Variants in ULK4 observed in about 807,000 individuals in gnomAD.
ULK4 encodes the protein unc-51 like kinase 4.
ULK4 carries 133 observed loss-of-function variants against 160.6 expected under a neutral mutation model. The ratio of observed to expected loss-of-function variants is 0.83; its 90% CI spans 0.72 to 0.96. ULK4 has a LOEUF of 0.96. Ranked by LOEUF, ULK4 falls within the 40% of genes least tolerant of loss-of-function variation. The pLI, the probability that ULK4 is intolerant of heterozygous loss-of-function variation, is 0.00. For missense variants in ULK4, 1,580 were observed against 1,499.5 expected, an observed-to-expected ratio of 1.05 and a Z score of -0.89; for synonymous variants, 534 against 539.8, an observed-to-expected ratio of 0.99 and a Z score of 0.15.
chr3:41,754,629 G>A, intron 21 of ULK4, 141 bp from the exon 22 acceptor site: 1 of 668,310 alleles, frequency 1.5e-6, no homozygotes. Flanking sequence ...CTCAATTTGT[G>A]CCAGATCCCA....
chr3:41,453,415 G>A (rs1050379399), intron 34 of ULK4, among the ~76,000 whole-genome samples: 3 of 151,850 alleles, frequency 2.0e-5, no homozygotes, highest in Admixed American at 6.6e-5. Flanking sequence ...GGACCCAATC[G>A]ATTCTCCCAT....
At chr3:41,606,885 A>G (rs907687764) in intron 31 of ULK4, among the ~76,000 whole-genome samples, 1 of 152,074 alleles carries the variant, frequency 6.6e-6, no homozygotes, top group African/African-American at 2.4e-5. Context: ...AATAGTTTGC[A>G]AATATTTTCT....
chr3:41,610,776 T>C (rs760198051), intron 31 of ULK4, among the ~76,000 whole-genome samples: 20 of 152,248 alleles, frequency 1.3e-4, no homozygotes, highest in Non-Finnish European at 2.6e-4. Flanking sequence ...ATTGTTTATT[T>C]TGGAATAGAC....
intron 35 of ULK4, among the ~76,000 whole-genome samples, chr3:41,391,709 T>C (rs1199178699): frequency 6.6e-6 from 1 of 151,994 alleles, no homozygotes; most frequent in African/African-American, 2.4e-5. Flanking sequence ...TGTTCTCATG[T>C]GGAATGAGAA....
chr3:41,555,261 A>G (rs1294840526), intron 32 of ULK4, among the ~76,000 whole-genome samples: 1 of 151,990 alleles, frequency 6.6e-6, no homozygotes, highest in Middle Eastern at 3.2e-3. Flanking sequence ...ATTTTTGCAA[A>G]CTATGCATCT....
At chr3:41,919,589 G>C in intron 6 of ULK4, 128 bp downstream of exon 6, 1 of 758,122 alleles carries the variant, frequency 1.3e-6, no homozygotes, top group South Asian at 1.8e-5. Context: ...GTGACAGTAC[G>C]AGACTCTGTC....
chr3:41,474,109 A>G (rs1484738484), intron 32 of ULK4, among the ~76,000 whole-genome samples: 2 of 152,220 alleles, frequency 1.3e-5, no homozygotes, highest in Non-Finnish European at 2.9e-5. Context: ...ATTTCAAACT[A>G]TACTACAAAG....
At chr3:41,386,537 G>A (rs1275035928) in intron 35 of ULK4, among the ~76,000 whole-genome samples, 1 of 152,112 alleles carries the variant, frequency 6.6e-6, no homozygotes, top group Non-Finnish European at 1.5e-5. Context: ...GGGAGAATTG[G>A]AGCCACAGCC....
chr3:41,922,983 C>G (rs1418384410), intron 5 of ULK4, among the ~76,000 whole-genome samples: 5 of 151,736 alleles, frequency 3.3e-5, no homozygotes, highest in African/African-American at 2.4e-5. Context: ...ACTAGCCTGG[C>G]CAACATAGTG....
chr3:41,706,804 G>A (rs1006976676), intron 25 of ULK4, among the ~76,000 whole-genome samples: 4 of 144,598 alleles, frequency 2.8e-5, no homozygotes, highest in Non-Finnish European at 6.0e-5. Flanking sequence ...GTCCAGCCTG[G>A]CCGACAGAGC....
intron 35 of ULK4, among the ~76,000 whole-genome samples, chr3:41,284,473 A>C (rs909977433): frequency 6.6e-6 from 1 of 152,118 alleles, no homozygotes; most frequent in African/African-American, 2.4e-5. Flanking sequence ...TCAACAAAGC[A>C]AACAAAAACA....
intron 18 of ULK4, among the ~76,000 whole-genome samples, chr3:41,832,029 T>C (rs1238430490): frequency 6.6e-6 from 1 of 152,224 alleles, no homozygotes; most frequent in East Asian, 1.9e-4. Flanking sequence ...TATGTCTTTA[T>C]AGTAGAATGA....
intron 32 of ULK4, among the ~76,000 whole-genome samples, chr3:41,553,891 C>CG (rs2087181863): frequency 1.3e-5 from 2 of 152,006 alleles, no homozygotes; most frequent in Admixed American, 6.6e-5. Context: ...ATTATAGCCA[C>CG]CCTGTTGTGC....
At chr3:41,250,316 C>T (rs75021028) in intron 35 of ULK4, among the ~76,000 whole-genome samples, 2,136 of 152,288 alleles carry the variant, frequency 0.014, 50 homozygotes, top group African/African-American at 0.048. Context: ...CTTAATTCAC[C>T]GTTGCCTCCT....
At chr3:41,632,498 T>C (rs2033790804) in intron 30 of ULK4, among the ~76,000 whole-genome samples, 1 of 152,184 alleles carries the variant, frequency 6.6e-6, no homozygotes, top group Non-Finnish European at 1.5e-5. Flanking sequence ...TTATGTGCCA[T>C]GCACTGGGCC....
intron 17 of ULK4, among the ~76,000 whole-genome samples, chr3:41,861,090 T>A (rs2042488579): frequency 6.6e-6 from 1 of 151,848 alleles, no homozygotes; most frequent in African/African-American, 2.4e-5. Context: ...TCTATTTAGA[T>A]CTCATTGCAC....
intron 32 of ULK4, among the ~76,000 whole-genome samples, chr3:41,545,985 A>C (rs1235790336): frequency 6.6e-6 from 1 of 152,096 alleles, no homozygotes; most frequent in East Asian, 1.9e-4. Flanking sequence ...TTTCTACCTC[A>C]TCTCTTCACT....
Position 41,307,550 on chromosome 3 carries a change from G to A in ULK4, c.3679-57976C>T, listed in dbSNP as rs760522526. On this transcript the variant is annotated intron_variant, in intron 35 of 36. Coordinates refer to ENST00000301831, the MANE Select transcript of ULK4 (RefSeq NM_017886.4). ...CCTACAAATAAAGCTAAATTAGGCT[G>A]GGTGTAATCGCTCACACCTGTAATC... Among the ~76,000 whole-genome samples, 290 of 152,294 alleles carry A rather than the reference G, an allele frequency of 1.9e-3. 5 individuals carry two copies. The highest frequency in any genetic ancestry group is 6.8e-4 in the Non-Finnish European group (46 of 68,034).
At chr3:41,934,034 T>C (rs1699682469) in intron 4 of ULK4, among the ~76,000 whole-genome samples, 1 of 152,028 alleles carries the variant, frequency 6.6e-6, no homozygotes. Context: ...TGAAACTGTG[T>C]CTCAAAAAAA....
Sources: gnomAD v4.1 joint callset for allele counts (sites outside exome capture counted in the v4.1 genomes callset) on GRCh38, gnomAD v4.1.1 for gene constraint, MANE v1.5 for transcripts, NCBI Gene and HGNC (gene_info 2026-07-23, HGNC 2026-07-21) for gene names.